VLDLR: variants seen among roughly 807,000 people sequenced by gnomAD.
The protein encoded by VLDLR is very low-density lipoprotein receptor.
Under a neutral mutation model 112.7 loss-of-function variants are expected in VLDLR, and 81 were observed. The ratio of observed to expected loss-of-function variants is 0.72; its 90% CI spans 0.60 to 0.86. The LOEUF (loss-of-function observed/expected upper bound fraction) is 0.86, where lower values mean the gene tolerates loss of function less well. VLDLR is among the 40% of genes least tolerant of loss of function. The probability of loss-of-function intolerance (pLI) is 0.00; values close to 1 mark genes in which losing one functional copy is unlikely to be tolerated. For synonymous variants in VLDLR, 436 were observed against 384.8 expected (o/e 1.13, Z -1.56); for missense variants, 1,237 against 1,099.4 (o/e 1.13, Z -1.77).
chr9:2,624,530 G>T (rs1423008620), intron 1 of VLDLR, among the ~76,000 whole-genome samples: 1 of 152,208 alleles, frequency 6.6e-6, no homozygotes, highest in Non-Finnish European at 1.5e-5. Flanking sequence ...TTCAGCCTAA[G>T]TAGTCAAGAT....
chr9:2,652,034 C>A, intron 17 of VLDLR, 80 bp downstream of exon 17: 1 of 1,328,744 alleles, frequency 7.5e-7, no homozygotes, highest in Non-Finnish European at 1.1e-6. Flanking sequence ...TGGAGCTACC[C>A]CTTTCATGGG....
intron 1 of VLDLR, among the ~76,000 whole-genome samples, chr9:2,624,340 G>C (rs1193258715): frequency 6.6e-6 from 1 of 152,150 alleles, no homozygotes; most frequent in African/African-American, 2.4e-5. Context: ...CAGGGCATGT[G>C]GGCTGACTTT....
rs750110630 is a variant in VLDLR at position 2,643,925 on chromosome 9, C to T, written c.1032C>T (p.Cys344=). The T allele has an allele frequency of 1.2e-6, 2 of 1,613,944 alleles. No individual in the cohort carries two copies. The highest frequency in any genetic ancestry group is 1.7e-6 in the Non-Finnish European group (2 of 1,180,010). ...ISKVCNQEQD[C]RDWSDEPLKE... is the part of the protein sequence containing the mutation. ...AAGTATGTAACCAGGAGCAGGACTG[C>T]AGGGACTGGAGTGATGAGCCCCTGA... The change falls in exon 7 of 19, where the codon TGC becomes TGT. Residue 344 remains cysteine (C), a synonymous_variant. Transcript: ENST00000382100.
At position 2,622,197 on chromosome 9, in the gene VLDLR, C is replaced by G; in HGVS notation, c.8C>G (p.Thr3Arg). 1 of 1,497,652 alleles carries G rather than the reference C, an allele frequency of 6.7e-7. No individual in the cohort carries two copies. The highest frequency in any genetic ancestry group is 1.3e-5 in the South Asian group (1 of 78,968). 92.8% of individuals were successfully genotyped at this position (1,497,652 alleles called of 1,614,324 possible). A position where few individuals can be genotyped will look rare whatever the true frequency, so the allele number is the denominator to read the frequency against. ...ACCATCCAGGCGGGCACCATGGGCA[C>G]GTCCGCGCTCTGGGCGCTCTGGCTG... is the stretch of plus-strand genomic sequence containing the variant. MGTSALWALWLLL... is the reference protein window; with the variant it reads MGRSALWALWLLL... Residue 3 changes from threonine (T) to arginine (R), a missense_variant, in exon 1 of 19, where the codon ACG becomes AGG. Physicochemically the swap from Thr to Arg is moderately conservative, Grantham distance 71 (BLOSUM62 -1). Transcript: ENST00000382100.
rs772847336 is a variant in VLDLR at position 2,643,336 on chromosome 9, AG to A, written c.626del (p.Ser209ThrfsTer124). On this transcript the variant is annotated frameshift_variant, in exon 5 of 19. Transcript: ENST00000382100. LOFTEE classifies it high-confidence loss of function. ...QCSTSSCIPI[S>X]WVCDDDADCS... ...CAGCACCTCCTCCTGCATCCCCATCAGCTGGGTATGCGACGATGATGCAGAC... is the reference window on the plus strand; with the variant it reads ...CAGCACCTCCTCCTGCATCCCCATCACTGGGTATGCGACGATGATGCAGAC... 6.2e-7 allele frequency: 1 copy of A among 1,614,138 alleles called. No individual in the cohort carries two copies. Among genetic ancestry groups the A allele is most frequent in the Non-Finnish European group, 8.5e-7 (1 of 1,180,020 alleles).
rs1200796549 is a variant in VLDLR at position 2,646,421 on chromosome 9, C to T, written c.1572C>T (p.Tyr524=). The T allele has an allele frequency of 1.9e-6, 3 of 1,614,126 alleles. No individual in the cohort carries two copies. The highest frequency in any genetic ancestry group is 2.5e-6 in the Non-Finnish European group (3 of 1,180,004). The change falls in exon 11 of 19, where the codon TAC becomes TAT. Residue 524 remains tyrosine, a synonymous_variant. Coordinates refer to ENST00000382100, the MANE Select transcript of VLDLR (RefSeq NM_003383.5). ...NPAAIAVDWV[Y]KTIYWTDAAS... ...CAGCCATTGCTGTTGATTGGGTGTA[C>T]AAGACCATCTACTGGACTGATGCGG...
intron 1 of VLDLR, among the ~76,000 whole-genome samples, chr9:2,634,363 C>G (rs1222275820): frequency 6.6e-6 from 1 of 152,198 alleles, no homozygotes; most frequent in African/African-American, 2.4e-5. Flanking sequence ...AGGCCTTCTG[C>G]TGGGACACCC....
intron 1 of VLDLR, 103 bp from the exon 2 acceptor site, chr9:2,635,350 C>A: frequency 6.4e-7 from 1 of 1,573,964 alleles, no homozygotes; most frequent in Non-Finnish European, 8.7e-7. Flanking sequence ...CATAGCCTGC[C>A]GAGTCTGCAG....
rs1004564646 is a variant in VLDLR at position 2,656,831 on chromosome 9, C to G, written c.*2963C>G. 2 of 148,372 alleles carry G rather than the reference C, an allele frequency of 1.3e-5. No homozygotes were observed. 9.2% of individuals were successfully genotyped at this position (148,372 alleles called of 1,614,324 possible). On this transcript the variant is annotated 3_prime_UTR_variant, in exon 19 of 19. Coordinates refer to ENST00000382100, the MANE Select transcript of VLDLR (RefSeq NM_003383.5). ...TTTTAAGTGCCCTTTGCAAGCTAAT[C>G]TATTTGGCAAAAAAATAGTCCCAGT...
chr9:2,651,747 G>T lies in VLDLR; in HGVS notation c.2336-127G>T. 4 of 1,054,114 alleles carry T rather than the reference G, an allele frequency of 3.8e-6. No homozygotes were observed. In the East Asian group the frequency reaches 9.9e-5, roughly 26 times the overall value. 65.3% of individuals were successfully genotyped at this position (1,054,114 alleles called of 1,614,324 possible). A position where few individuals can be genotyped will look rare whatever the true frequency, so the allele number is the denominator to read the frequency against. ...ATACTTCTAAGCCAGAGTTGTTCCTGGTGTTCAATTGTTGTAGATACTGAA... is the reference window on the plus strand; with the variant it reads ...ATACTTCTAAGCCAGAGTTGTTCCTTGTGTTCAATTGTTGTAGATACTGAA... On this transcript the variant is annotated intron_variant, in intron 16 of 18. Transcript: ENST00000382100.
intron 1 of VLDLR, among the ~76,000 whole-genome samples, chr9:2,625,924 G>T (rs1284362588): frequency 6.6e-6 from 1 of 152,156 alleles, no homozygotes; most frequent in South Asian, 2.1e-4. Context: ...CTAGCTATAG[G>T]CGAATCTGGC....
chr9:2,624,516 T>A (rs1430298520), intron 1 of VLDLR, among the ~76,000 whole-genome samples: 1 of 152,194 alleles, frequency 6.6e-6, no homozygotes, highest in East Asian at 1.9e-4. Context: ...CTGGGACATT[T>A]TCCTTCAGCC....
chr9:2,631,932 C>T (rs1551411), intron 1 of VLDLR, among the ~76,000 whole-genome samples: 54,286 of 151,660 alleles, frequency 0.36, 10,457 homozygotes, highest in East Asian at 0.57. Context: ...AAGTTAACTA[C>T]TTAGAGAAGC....
chr9:2,657,225 C>T lies in VLDLR; in HGVS notation c.*3357C>T, dbSNP rs1818642752. On this transcript the variant is annotated 3_prime_UTR_variant, in exon 19 of 19. Transcript: ENST00000382100. ...CTAACTGGAATAATTTCCTAGAATTCTTACTAGTGAAATCTTACCCAAGTA... is the reference window on the plus strand; with the variant it reads ...CTAACTGGAATAATTTCCTAGAATTTTTACTAGTGAAATCTTACCCAAGTA... 1 of 152,138 alleles carries T rather than the reference C, an allele frequency of 6.6e-6. No individual in the cohort carries two copies. Among genetic ancestry groups the T allele is most frequent in the South Asian group, 2.1e-4 (1 of 4,832 alleles). 9.4% of individuals were successfully genotyped at this position (152,138 alleles called of 1,614,324 possible).
intron 18 of VLDLR, among the ~76,000 whole-genome samples, chr9:2,653,278 TA>T (rs1174669225): frequency 1.3e-5 from 2 of 152,234 alleles, no homozygotes; most frequent in Non-Finnish European, 2.9e-5. Flanking sequence ...TATTTGAAAG[TA>T]AATTAGCATA....
At position 2,646,549 on chromosome 9, in the gene VLDLR, C is replaced by T. The variant is rs769791140; in HGVS notation, c.1700C>T (p.Ser567Phe). ...EPASIAVDPL[S>F]GFVYWSDWGE... Reference sequence around the variant, plus strand: ...GCCTCCATAGCTGTGGACCCACTGTCTGGGTTTGTAGTCTGTTTTCCATCA... The same window carrying T: ...GCCTCCATAGCTGTGGACCCACTGTTTGGGTTTGTAGTCTGTTTTCCATCA... Residue 567 changes from serine (S) to phenylalanine (F), a missense_variant, in exon 11 of 19, where the codon TCT becomes TTT. Ser to Phe is a radical substitution (Grantham distance 155). Transcript: ENST00000382100. 6.2e-7 allele frequency: 1 copy of T among 1,614,010 alleles called. No individual in the cohort carries two copies. Among genetic ancestry groups the T allele is most frequent in the Non-Finnish European group, 8.5e-7 (1 of 1,179,954 alleles).
intron 1 of VLDLR, among the ~76,000 whole-genome samples, chr9:2,629,758 C>A (rs1007905283): frequency 6.6e-6 from 1 of 152,138 alleles, no homozygotes; most frequent in Non-Finnish European, 1.5e-5. Context: ...ACATATTCAC[C>A]ACTTTTTAGT....
In VLDLR at chr9:2,643,688, G is replaced by C. The variant is rs1586650665; in HGVS notation, c.881G>C (p.Ser294Thr). 1 of 1,614,102 alleles carries C rather than the reference G, an allele frequency of 6.2e-7. No homozygotes were observed. The highest frequency in any genetic ancestry group is 1.3e-5 in the African/African-American group (1 of 74,930). ...GAGGATGGCAGCTGCATCCATGGCA[G>C]CAGGCAGTGTAATGGTATCCGAGAC... The part of the protein sequence containing the change: ...ECEDGSCIHG[S>T]RQCNGIRDCV... Residue 294 changes from serine (S) to threonine (T), a missense_variant, in exon 6 of 19, where the codon AGC becomes ACC. By Grantham distance (58) the Ser-to-Thr change is moderately conservative. Coordinates refer to ENST00000382100, the MANE Select transcript of VLDLR (RefSeq NM_003383.5).
At chr9:2,633,275 G>A (rs1436870607) in intron 1 of VLDLR, among the ~76,000 whole-genome samples, 1 of 152,268 alleles carries the variant, frequency 6.6e-6, no homozygotes, top group Admixed American at 6.5e-5. Context: ...GAGCTGCTAG[G>A]ATTTTAATAG....
Sources: gnomAD v4.1 joint callset for allele counts (sites outside exome capture counted in the v4.1 genomes callset) on GRCh38, gnomAD v4.1.1 for gene constraint, MANE v1.5 for transcripts, NCBI Gene and HGNC (gene_info 2026-07-23, HGNC 2026-07-21) for gene names.